The following SORT1 variants were observed in gnomAD, a reference collection of about 807,000 sequenced individuals.
SORT1 encodes the protein sortilin.
A neutral mutation model predicts 101.7 loss-of-function variants in SORT1; 39 were observed. The observed-to-expected ratio is 0.38, with a 90% CI of 0.30 to 0.50. The LOEUF is 0.50. Among genes scored for constraint, SORT1 ranks in the 20% least tolerant of loss-of-function variants. The pLI is 0.90. For missense variants in SORT1, 878 were observed against 1,040.4 expected, an observed-to-expected ratio of 0.84 and a Z score of 2.15; for synonymous variants, 396 against 393.7, an observed-to-expected ratio of 1.01 and a Z score of -0.07.
chr1:109,336,478 A>C, intron 10 of SORT1, 132 bp from the exon 11 acceptor site: 1 of 643,390 alleles, frequency 1.6e-6, no homozygotes, highest in Non-Finnish European at 2.8e-6. Flanking sequence ...CACCTCACAA[A>C]ACGGCTCATT....
At chr1:109,397,502 C>A (rs1405924391) in intron 1 of SORT1, 85 bp downstream of exon 1, 1 of 925,290 alleles carries the variant, frequency 1.1e-6, no homozygotes, top group Non-Finnish European at 1.3e-6. Context: ...GGGTCTCCTC[C>A]GGGAGTCGCG....
At chr1:109,373,903 G>A (rs1375116207) in intron 1 of SORT1, among the ~76,000 whole-genome samples, 1 of 151,960 alleles carries the variant, frequency 6.6e-6, no homozygotes, top group Non-Finnish European at 1.5e-5. Flanking sequence ...GGGCAATGTA[G>A]CAAGACCCCC....
At chr1:109,365,995 C>T (rs1202303409) in intron 3 of SORT1, among the ~76,000 whole-genome samples, 1 of 152,180 alleles carries the variant, frequency 6.6e-6, no homozygotes, top group Non-Finnish European at 1.5e-5. Flanking sequence ...AGTACCATTA[C>T]TCCTGGGAGA....
At chr1:109,316,668 G>A (rs114111439) in intron 17 of SORT1, among the ~76,000 whole-genome samples, 182 bp downstream of exon 17, 126 of 152,314 alleles carry the variant, frequency 8.3e-4, no homozygotes, top group South Asian at 1.9e-3. Context: ...AGTAGGGTGA[G>A]CTTATCACTG....
chr1:109,345,237 G>A (rs964339304), intron 8 of SORT1, among the ~76,000 whole-genome samples: 1 of 152,140 alleles, frequency 6.6e-6, no homozygotes, highest in Non-Finnish European at 1.5e-5. Flanking sequence ...TATCCTGGCC[G>A]GGCGCGGTGG....
At position 109,354,463 on chromosome 1, in the gene SORT1, C is replaced by T. The variant is rs374268414; in HGVS notation, c.612G>A (p.Ala204=). 4.8e-5 allele frequency: 77 copies of T among 1,613,428 alleles called. No homozygotes were observed. In the East Asian group the frequency reaches 5.1e-4, roughly 11 times the overall value. Reference sequence around the variant, plus strand: ...GGAGATCTGTTTGCACAAAATTCTTCGCAAAATCTGATGATCTAAAGATTC... The same window carrying T: ...GGAGATCTGTTTGCACAAAATTCTTTGCAAAATCTGATGATCTAAAGATTC... ...GGRIFRSSDF[A]KNFVQTDLPF... is the part of the protein sequence containing the mutation. The change falls in exon 5 of 20, where the codon GCG becomes GCA. Residue 204 remains alanine, a synonymous_variant. Coordinates refer to ENST00000256637, the MANE Select transcript of SORT1 (RefSeq NM_002959.7).
intron 1 of SORT1, among the ~76,000 whole-genome samples, chr1:109,373,407 C>A (rs1440654021): frequency 6.6e-6 from 1 of 152,204 alleles, no homozygotes; most frequent in East Asian, 1.9e-4. Context: ...CCCACCAAGT[C>A]TTCAGCTGAA....
At chr1:109,387,692 C>T (rs567646026) in intron 1 of SORT1, among the ~76,000 whole-genome samples, 3 of 152,246 alleles carry the variant, frequency 2.0e-5, no homozygotes, top group Non-Finnish European at 2.9e-5. Flanking sequence ...CGGTGGCTCA[C>T]GCCTGCAATC....
chr1:109,319,745 T>C (rs1180305672), intron 15 of SORT1, among the ~76,000 whole-genome samples: 2 of 151,820 alleles, frequency 1.3e-5, no homozygotes, highest in Non-Finnish European at 2.9e-5. Context: ...TGTGTGCCTA[T>C]AATCCCAGCT....
intron 10 of SORT1, among the ~76,000 whole-genome samples, chr1:109,339,703 TATC>T (rs1373801850): frequency 6.6e-6 from 1 of 152,192 alleles, no homozygotes; most frequent in Non-Finnish European, 1.5e-5. Flanking sequence ...AACATGGAAT[TATC>T]ATGTGATCCT....
At chr1:109,372,917 T>C (rs1333512239) in intron 1 of SORT1, among the ~76,000 whole-genome samples, 1 of 106,320 alleles carries the variant, frequency 9.4e-6, no homozygotes, top group Non-Finnish European at 2.1e-5. Context: ...AAAAAAAAGA[T>C]ACAAAAAATT....
At chr1:109,329,075 C>T (rs1179184684) in intron 11 of SORT1, among the ~76,000 whole-genome samples, 3 of 152,222 alleles carry the variant, frequency 2.0e-5, no homozygotes, top group Non-Finnish European at 4.4e-5. Context: ...GGCCCACCTA[C>T]CTGCAGAACC....
intron 3 of SORT1, among the ~76,000 whole-genome samples, chr1:109,359,766 C>T (rs947341020): frequency 2.0e-5 from 3 of 152,090 alleles, no homozygotes; most frequent in African/African-American, 4.8e-5. Context: ...TCCCAAAGTG[C>T]AGGGATTACA....
At chr1:109,334,808 T>C (rs943983275) in intron 11 of SORT1, among the ~76,000 whole-genome samples, 6 of 152,168 alleles carry the variant, frequency 3.9e-5, no homozygotes, top group Non-Finnish European at 5.9e-5. Flanking sequence ...TTGTCAATTA[T>C]GCCTCCATAA....
intron 10 of SORT1, 118 bp from the exon 11 acceptor site, chr1:109,336,464 G>T (rs372730662): frequency 5.9e-6 from 4 of 682,274 alleles, no homozygotes; most frequent in African/African-American, 1.8e-5. Flanking sequence ...CGACAAGCTT[G>T]TAACACCTCA....
At chr1:109,382,693 G>A (rs566527627) in intron 1 of SORT1, among the ~76,000 whole-genome samples, 6 of 152,194 alleles carry the variant, frequency 3.9e-5, no homozygotes, top group Non-Finnish European at 8.8e-5. Context: ...TACTGCCCTC[G>A]GTAGGGGAGC....
intron 1 of SORT1, among the ~76,000 whole-genome samples, chr1:109,374,238 G>A (rs544907165): frequency 1.3e-5 from 2 of 152,266 alleles, no homozygotes; most frequent in East Asian, 3.9e-4. Context: ...AGAAATTAGA[G>A]AATGGATTGA....
chr1:109,351,945 A>G (rs1254522280), intron 5 of SORT1, among the ~76,000 whole-genome samples: 1 of 148,494 alleles, frequency 6.7e-6, no homozygotes, highest in African/African-American at 2.5e-5. Flanking sequence ...CTTCTCCTGC[A>G]GGGCAGGATG....
chr1:109,345,899 A>G lies in SORT1; in HGVS notation c.833-18T>C. The G allele has an allele frequency of 6.3e-7, 1 of 1,599,252 alleles. No homozygotes were observed. Among genetic ancestry groups the G allele is most frequent in the Non-Finnish European group, 8.5e-7 (1 of 1,173,334 alleles). ...GTCAGCTTCTTAAACAAGACAAAAT[A>G]TTAATTAAAATTTCACTTACTGGTG... On this transcript the variant is annotated intron_variant, in intron 7 of 19. Coordinates refer to ENST00000256637, the MANE Select transcript of SORT1 (RefSeq NM_002959.7).
Sources: allele counts gnomAD v4.1 joint callset (sites outside exome capture counted in the v4.1 genomes callset), GRCh38; gene constraint gnomAD v4.1.1; transcripts MANE v1.5; gene names NCBI Gene and HGNC (gene_info 2026-07-23, HGNC 2026-07-21).